The following TRMT9B variants were observed in gnomAD, a reference collection of about 807,000 sequenced individuals.
TRMT9B encodes tRNA methyltransferase 9B (putative), also known as probable tRNA methyltransferase 9B.
TRMT9B carries 16 observed loss-of-function variants against 11.5 expected under a neutral mutation model. That is an observed-to-expected ratio of 1.39 (90% CI 0.94 to 2.11). The LOEUF is 2.11. TRMT9B is among the 30% of genes most tolerant of loss of function. TRMT9B has a pLI of 0.00. For missense variants in TRMT9B, 941 were observed against 553.8 expected, an observed-to-expected ratio of 1.70 and a Z score of -7.02; for synonymous variants, 274 against 192.4, an observed-to-expected ratio of 1.42 and a Z score of -3.51.
In TRMT9B at chr8:13,003,449, A is replaced by T. The variant is rs138324286; in HGVS notation, c.-1-2753A>T. 4.1e-3 allele frequency among the ~76,000 whole-genome samples: 624 copies of T among 152,124 alleles called. 4 individuals carry two copies. The highest frequency in any genetic ancestry group is 0.015 in the African/African-American group (605 of 41,510). On this transcript the variant is annotated intron_variant, in intron 2 of 4. Transcript: ENST00000524591. ...AAGGTCAGGGAAGTCTTCCTGGAGG[A>T]GATGATGCCTTTTCCAAGAATGACT...
At chr8:12,952,745 T>G (rs917344564) in intron 1 of TRMT9B, 2 of 942,330 alleles carry the variant, frequency 2.1e-6, no homozygotes, top group African/African-American at 3.5e-5. Context: ...TGTGGGGTTT[T>G]TTTTGTTGTT....
At chr8:12,996,935 TCTTTATTTTA>T (rs1188813066) in intron 2 of TRMT9B, among the ~76,000 whole-genome samples, 2 of 148,594 alleles carry the variant, frequency 1.3e-5, no homozygotes, top group Non-Finnish European at 3.0e-5. Context: ...TTTTGTACCT[TCTTTATTTTA>T]TTTTATTTTA....
rs1047772844 is a variant in TRMT9B at position 13,001,768 on chromosome 8, A to G, written c.-1-4434A>G. 2.0e-5 allele frequency among the ~76,000 whole-genome samples: 3 copies of G among 152,298 alleles called. No homozygotes were observed. In the East Asian group the frequency reaches 5.8e-4, roughly 29 times the overall value. ...TGTGCTGGTGTGCATTTTGAATCTCAAAGGAGGGACACAATGTGAGGCTTT... is the reference window on the plus strand; with the variant it reads ...TGTGCTGGTGTGCATTTTGAATCTCGAAGGAGGGACACAATGTGAGGCTTT... On this transcript the variant is annotated intron_variant, in intron 2 of 4. Transcript: ENST00000524591.
At chr8:13,003,074 G>A (rs913492196) in intron 2 of TRMT9B, among the ~76,000 whole-genome samples, 1 of 152,066 alleles carries the variant, frequency 6.6e-6, no homozygotes, top group Non-Finnish European at 1.5e-5. Flanking sequence ...AAGTGCTGGG[G>A]ACTCAGTATT....
rs80053691 is a variant in TRMT9B, at chr8:12,981,957, T to A, written c.-199-8877T>A. ...AGTTCTTCATAAATTCTGTTCAATT[T>A]CAAAGGACTCTCCTTTGGTTTGAGA... On this transcript the variant is annotated intron_variant, in intron 1 of 4. Transcript: ENST00000524591. Among the ~76,000 whole-genome samples the A allele has an allele frequency of 2.9e-3, 443 of 152,332 alleles. 2 individuals are homozygous for A. Among genetic ancestry groups the A allele is most frequent in the African/African-American group, 0.01 (427 of 41,578 alleles).
At chr8:12,984,716 G>C (rs1212230151) in intron 1 of TRMT9B, among the ~76,000 whole-genome samples, 1 of 152,050 alleles carries the variant, frequency 6.6e-6, no homozygotes, top group Non-Finnish European at 1.5e-5. Flanking sequence ...CAATGCCTAG[G>C]GGAAGCCGGG....
chr8:12,950,141 A>G (rs1800479480), intron 1 of TRMT9B, among the ~76,000 whole-genome samples: 1 of 152,154 alleles, frequency 6.6e-6, no homozygotes, highest in Non-Finnish European at 1.5e-5. Context: ...GGCATGAGCC[A>G]CCTCACCTAG....
At position 13,026,851 on chromosome 8, in the gene TRMT9B, G is replaced by C. The variant is rs982170571; in HGVS notation, c.*4807G>C. 1 of 167,106 alleles carries C rather than the reference G, an allele frequency of 6.0e-6. No homozygotes were observed. Among genetic ancestry groups the C allele is most frequent in the Non-Finnish European group, 1.5e-5 (1 of 68,126 alleles). The allele number at this position is 167,106 out of a possible 1,614,324, so 10.4% of individuals were successfully genotyped here. On this transcript the variant is annotated 3_prime_UTR_variant, in exon 5 of 5. Coordinates refer to ENST00000524591, the MANE Select transcript of TRMT9B (RefSeq NM_020844.3). Reference sequence around the variant, plus strand: ...GGAGTATTAGAGCCTTTCAAGGTAAGTGTGATTATCCCCTTTCCAAATGAG... The same window carrying C: ...GGAGTATTAGAGCCTTTCAAGGTAACTGTGATTATCCCCTTTCCAAATGAG...
chr8:12,951,987 G>A, intron 1 of TRMT9B: 1 of 158,740 alleles, frequency 6.3e-6, no homozygotes, highest in Non-Finnish European at 1.4e-5. Context: ...GGCCACGCGC[G>A]CACCCTGCCG....
At chr8:12,952,799 G>C in intron 1 of TRMT9B, 1 of 497,788 alleles carries the variant, frequency 2.0e-6, no homozygotes, top group Non-Finnish European at 2.6e-6. Flanking sequence ...GAGTGCAATG[G>C]CACGATCTCG....
chr8:12,994,025 G>A (rs1807878523), intron 2 of TRMT9B, among the ~76,000 whole-genome samples: 1 of 152,172 alleles, frequency 6.6e-6, no homozygotes. Flanking sequence ...TCAATTTCCT[G>A]GGCGAGGGAG....
chr8:13,026,529 G>T lies in TRMT9B; in HGVS notation c.*4485G>T, dbSNP rs1204955366. The T allele has an allele frequency of 1.2e-5, 2 of 167,180 alleles. No homozygotes were observed. Among genetic ancestry groups the T allele is most frequent in the Admixed American group, 6.5e-5 (1 of 15,306 alleles). The allele number at this position is 167,180 out of a possible 1,614,324, so 10.4% of individuals were successfully genotyped here. ...CTTCTCCTGGTCCCCTGTCCCAGGG[G>T]CTGTTTGTTAAAAAAGAGTAATAAA... On this transcript the variant is annotated 3_prime_UTR_variant, in exon 5 of 5. Transcript: ENST00000524591.
At chr8:13,014,348 A>G (rs57176231) in intron 4 of TRMT9B, among the ~76,000 whole-genome samples, 50,832 of 152,090 alleles carry the variant, frequency 0.33, 8,943 homozygotes, top group East Asian at 0.6. Context: ...ACCGTTCTGG[A>G]GGCTGGACAT....
chr8:12,976,788 G>A (rs1025285559), intron 1 of TRMT9B, among the ~76,000 whole-genome samples: 1 of 152,158 alleles, frequency 6.6e-6, no homozygotes, highest in Non-Finnish European at 1.5e-5. Context: ...AAGGGAAAGC[G>A]GAAAGACTGG....
At chr8:12,951,323 G>T (rs1800585242) in intron 1 of TRMT9B, 1 of 152,506 alleles carries the variant, frequency 6.6e-6, no homozygotes, top group African/African-American at 2.4e-5. Context: ...TGAAGTCCGG[G>T]GCTGTAAAAA....
intron 4 of TRMT9B, among the ~76,000 whole-genome samples, chr8:13,018,739 T>G (rs989870296): frequency 6.6e-5 from 10 of 152,330 alleles, no homozygotes; most frequent in African/African-American, 2.4e-4. Flanking sequence ...ACAGTTTATT[T>G]CATTTTAAAC....
intron 2 of TRMT9B, among the ~76,000 whole-genome samples, chr8:13,002,777 C>G (rs1455297394): frequency 6.6e-6 from 1 of 152,142 alleles, no homozygotes; most frequent in Non-Finnish European, 1.5e-5. Flanking sequence ...TGCATAGTCT[C>G]AAAGTCTCTC....
chr8:13,015,368 C>T (rs751286867), intron 4 of TRMT9B, among the ~76,000 whole-genome samples: 3 of 152,000 alleles, frequency 2.0e-5, no homozygotes, highest in Non-Finnish European at 2.9e-5. Flanking sequence ...GCAGGTTTAG[C>T]GTAAAGTGAG....
At chr8:12,985,007 C>T (rs1806037338) in intron 1 of TRMT9B, among the ~76,000 whole-genome samples, 1 of 151,626 alleles carries the variant, frequency 6.6e-6, no homozygotes, top group South Asian at 2.1e-4. Context: ...TCACACTCCC[C>T]ACCCAGATGT....
Sources: gnomAD v4.1 joint callset for allele counts (sites outside exome capture counted in the v4.1 genomes callset) on GRCh38, gnomAD v4.1.1 for gene constraint, MANE v1.5 for transcripts, NCBI Gene and HGNC (gene_info 2026-07-23, HGNC 2026-07-21) for gene names.